PTPRC: variants seen among roughly 807,000 people sequenced by gnomAD.
PTPRC encodes the protein protein tyrosine phosphatase receptor type C.
Under a neutral mutation model 155.9 loss-of-function variants are expected in PTPRC, and 44 were observed. The ratio of observed to expected loss-of-function variants is 0.28; its 90% confidence interval spans 0.22 to 0.36. The LOEUF (loss-of-function observed/expected upper bound fraction) is 0.36, where lower values mean the gene tolerates loss of function less well. Among genes scored for constraint, PTPRC ranks in the 10% least tolerant of loss-of-function variants. The probability of loss-of-function intolerance (pLI) is 1.00; values close to 1 mark genes in which losing one functional copy is unlikely to be tolerated. For synonymous variants in PTPRC, 525 were observed against 533.1 expected, an observed-to-expected ratio of 0.98 and a Z score of 0.21; for missense variants, 1,401 against 1,564.6, an observed-to-expected ratio of 0.90 and a Z score of 1.76.
At chr1:198,722,352 A>G (rs1341378202) in intron 14 of PTPRC, 64 bp from the exon 15 acceptor site, 4 of 665,586 alleles carry the variant, frequency 6.0e-6, no homozygotes, top group Non-Finnish European at 8.8e-6. Context: ...GATATATAAT[A>G]TATATATATA....
chr1:198,650,766 T>C (rs1663203330), intron 2 of PTPRC, among the ~76,000 whole-genome samples: 1 of 151,800 alleles, frequency 6.6e-6, no homozygotes, highest in Non-Finnish European at 1.5e-5. Flanking sequence ...GAGTAGCAGA[T>C]GACTGGTTTC....
chr1:198,724,676 TTCTCTCTC>T lies in PTPRC; in HGVS notation c.1720+2220_1720+2227del, dbSNP rs59471727. 5.0e-4 allele frequency among the ~76,000 whole-genome samples: 75 copies of T among 148,660 alleles called. No homozygotes were observed. The South Asian group carries it at 7.4e-3, about 15-fold the overall frequency. ...ATTTTACTTTCTAATTCCATCCTGA[TTCTCTCTC>T]TCTCTCTCTCTCTCTCTCTTTTTTT... On this transcript the variant is annotated intron_variant, in intron 15 of 32. Transcript: ENST00000442510.
intron 4 of PTPRC, among the ~76,000 whole-genome samples, chr1:198,698,880 A>T (rs1229003819): frequency 6.6e-6 from 1 of 152,136 alleles, no homozygotes; most frequent in African/African-American, 2.4e-5. Flanking sequence ...TTCCTTAAAG[A>T]TACCTTTTTA....
In PTPRC at chr1:198,696,697, T is replaced by C; in HGVS notation, c.101-15T>C. The C allele has an allele frequency of 6.2e-7, 1 of 1,606,218 alleles. No homozygotes were observed. On this transcript the variant is annotated splice_polypyrimidine_tract_variant and intron_variant, in intron 3 of 32. Transcript: ENST00000442510. ...TATTTATTTTGTCCTTCTCCCATTT[T>C]CCATTAATTAACAGGATTGACTACA...
intron 2 of PTPRC, among the ~76,000 whole-genome samples, chr1:198,661,864 G>A (rs933068650): frequency 3.3e-5 from 5 of 152,072 alleles, no homozygotes; most frequent in South Asian, 2.1e-4. Flanking sequence ...TAAGTTTTCC[G>A]TATTTGACAC....
chr1:198,644,246 G>C (rs929852627), intron 2 of PTPRC, among the ~76,000 whole-genome samples: 3 of 151,736 alleles, frequency 2.0e-5, no homozygotes, highest in African/African-American at 7.2e-5. Flanking sequence ...ATCTTTGTAA[G>C]TACTAGATAC....
chr1:198,726,219 A>G (rs1216959106), intron 15 of PTPRC, among the ~76,000 whole-genome samples: 1 of 152,182 alleles, frequency 6.6e-6, no homozygotes, highest in Non-Finnish European at 1.5e-5. Context: ...TGAGGTTTTT[A>G]TTCACAAAAT....
intron 2 of PTPRC, among the ~76,000 whole-genome samples, chr1:198,662,444 CTGTG>C (rs5779935): frequency 0.084 from 11,001 of 131,166 alleles, 422 homozygotes; most frequent in Non-Finnish European, 0.1. Flanking sequence ...TTTCTGAGAG[CTGTG>C]TGTGTGTGTG....
rs1557979011 is a variant in PTPRC at position 198,665,079 on chromosome 1, C to CCTTTTTTTTTTTTTTTTTTT, written c.73+25738_73+25739insCTTTTTTTTTTTTTTTTTTT. Among the ~76,000 whole-genome samples the CCTTTTTTTTTTTTTTTTTTT allele has an allele frequency of 9.8e-5, 10 of 102,244 alleles. 3 individuals carry two copies. The highest frequency in any genetic ancestry group is 2.8e-4 in the African/African-American group (8 of 28,170). The allele number at this position is 102,244 out of a possible 152,430, so 67.1% of individuals were successfully genotyped here. A position where few individuals can be genotyped will look rare whatever the true frequency, so the allele number is the denominator to read the frequency against. On this transcript the variant is annotated intron_variant, in intron 2 of 32. Coordinates refer to ENST00000442510, the MANE Select transcript of PTPRC (RefSeq NM_002838.5). ...GAGTGTTTTTAGAACATCCCGGCAG[C>CCTTTTTTTTTTTTTTTTTTT]ATTTTTTTTTTTTTTTTTTTTTTTT...
At chr1:198,712,285 CAAACTT>C (rs1457200629) in intron 11 of PTPRC, among the ~76,000 whole-genome samples, 2 of 152,160 alleles carry the variant, frequency 1.3e-5, no homozygotes, top group Non-Finnish European at 2.9e-5. Flanking sequence ...GGTAAAAAGA[CAAACTT>C]AATCTGTAGT....
intron 4 of PTPRC, among the ~76,000 whole-genome samples, chr1:198,697,574 T>G (rs144704972): frequency 6.6e-6 from 1 of 152,212 alleles, no homozygotes. Context: ...TACTGATATA[T>G]GTATATGCTC....
intron 3 of PTPRC, chr1:198,692,769 G>A: frequency 7.6e-6 from 7 of 918,640 alleles, no homozygotes; most frequent in Non-Finnish European, 9.1e-6. Flanking sequence ...TAACAGATTT[G>A]CATATGTCTA....
chr1:198,715,583 C>T (rs1000954102), intron 12 of PTPRC, among the ~76,000 whole-genome samples: 16 of 151,488 alleles, frequency 1.1e-4, no homozygotes, highest in Admixed American at 4.6e-4. Context: ...CAATAGGCAC[C>T]TTTCAAGACC....
chr1:198,754,443 T>G, intron 32 of PTPRC, 39 bp downstream of exon 32: 5 of 1,566,808 alleles, frequency 3.2e-6, no homozygotes, highest in Non-Finnish European at 4.4e-6. Context: ...ATGCTCGGAA[T>G]TTTTTTTTTC....
rs564629025 is a variant in PTPRC, at chr1:198,756,482, AAG to A, written c.*309_*310del. The A allele has an allele frequency of 1.6e-5, 4 of 254,682 alleles. No homozygotes were observed. The highest frequency in any genetic ancestry group is 5.0e-5 in the Admixed American group (1 of 19,978). 15.8% of individuals were successfully genotyped at this position (254,682 alleles called of 1,614,324 possible). A position where few individuals can be genotyped will look rare whatever the true frequency, so the allele number is the denominator to read the frequency against. ...TGTGTGTTTGTGTGAGAGACAGAGA[AAG>A]AGAGAGAATTCTTTCAAGTGAATCT... is the stretch of plus-strand genomic sequence containing the variant. On this transcript the variant is annotated 3_prime_UTR_variant, in exon 33 of 33. Transcript: ENST00000442510.
At chr1:198,664,529 T>C (rs1017892644) in intron 2 of PTPRC, among the ~76,000 whole-genome samples, 3 of 152,226 alleles carry the variant, frequency 2.0e-5, no homozygotes, top group African/African-American at 7.2e-5. Context: ...TTTAAAATTC[T>C]TTCTCAACTA....
chr1:198,728,688 A>C (rs1654254176), intron 16 of PTPRC, among the ~76,000 whole-genome samples: 1 of 152,172 alleles, frequency 6.6e-6, no homozygotes, highest in Non-Finnish European at 1.5e-5. Context: ...GTTTAATAAT[A>C]ACCAGTGAAA....
At chr1:198,680,210 T>C (rs1298887278) in intron 2 of PTPRC, among the ~76,000 whole-genome samples, 1 of 152,172 alleles carries the variant, frequency 6.6e-6, no homozygotes, top group Admixed American at 6.5e-5. Flanking sequence ...AGCCACAACA[T>C]TGGGAGGCCG....
chr1:198,711,197 T>G (rs893363528), intron 11 of PTPRC, among the ~76,000 whole-genome samples: 4 of 152,168 alleles, frequency 2.6e-5, no homozygotes, highest in Admixed American at 2.6e-4. Flanking sequence ...CTCCTCATAC[T>G]TCTCCAAAAT....
Sources: allele counts gnomAD v4.1 joint callset (sites outside exome capture counted in the v4.1 genomes callset), GRCh38; gene constraint gnomAD v4.1.1; transcripts MANE v1.5; gene names NCBI Gene and HGNC (gene_info 2026-07-23, HGNC 2026-07-21).